The following TMPO variants were observed in gnomAD, a reference collection of about 807,000 sequenced individuals.
The protein encoded by TMPO is thymopoietin.
TMPO carries 22 observed loss-of-function variants against 45.4 expected under a neutral mutation model. The observed-to-expected ratio is 0.48, with a 90% CI of 0.35 to 0.69. The LOEUF (loss-of-function observed/expected upper bound fraction) is 0.69. TMPO is among the 30% of genes least tolerant of loss of function. The pLI, the probability that TMPO is intolerant of heterozygous loss-of-function variation, is 0.01. For synonymous variants in TMPO, 241 were observed against 204.1 expected, an observed-to-expected ratio of 1.18 and a Z score of -1.54; for missense variants, 512 against 548.8, an observed-to-expected ratio of 0.93 and a Z score of 0.67.
chr12:98,527,645 G>C (rs1255822830), intron 1 of TMPO: 2 of 450,632 alleles, frequency 4.4e-6, no homozygotes, highest in Admixed American at 7.4e-5. Context: ...AATCCAAAAT[G>C]GACTATTTTA....
chr12:98,538,521 T>C (rs1343269772), intron 4 of TMPO, among the ~76,000 whole-genome samples: 7 of 152,042 alleles, frequency 4.6e-5, no homozygotes, highest in Non-Finnish European at 1.0e-4. Context: ...CTCAGCTAAT[T>C]TTTGTATTTT....
intron 4 of TMPO, among the ~76,000 whole-genome samples, chr12:98,543,848 T>C (rs1385311031): frequency 6.6e-6 from 1 of 152,210 alleles, no homozygotes; most frequent in Non-Finnish European, 1.5e-5. Context: ...AACTGACTTA[T>C]AATAGATGAC....
rs934875045 is a variant in TMPO at position 98,516,523 on chromosome 12, G to A, written c.279+377G>A. ...GTGGCCCCAAAATGCTATAGGTTAA[G>A]TTCGAGCGTTTTCCCGCTTTATTAA... On this transcript the variant is annotated intron_variant, in intron 1 of 8. Coordinates refer to ENST00000556029, the MANE Select transcript of TMPO (RefSeq NM_001032283.3). 22 of 1,049,566 alleles carry A rather than the reference G, an allele frequency of 2.1e-5. No homozygotes were observed. The African/African-American group carries it at 3.2e-4, about 15-fold the overall frequency. The allele number at this position is 1,049,566 out of a possible 1,614,324, so 65.0% of individuals were successfully genotyped here.
chr12:98,516,806 G>A (rs1253094822), intron 1 of TMPO, among the ~76,000 whole-genome samples: 2 of 152,094 alleles, frequency 1.3e-5, no homozygotes. Flanking sequence ...TAATTTTTTA[G>A]TTTTTATTTA....
At chr12:98,533,427 A>G in intron 3 of TMPO, 1 of 1,614,188 alleles carries the variant, frequency 6.2e-7, no homozygotes, top group Admixed American at 1.7e-5. Context: ...AGGGTGGGGT[A>G]GGTAGTTTGC....
chr12:98,538,015 C>CTA (rs1877677863), intron 4 of TMPO, among the ~76,000 whole-genome samples: 1 of 152,180 alleles, frequency 6.6e-6, no homozygotes, highest in Non-Finnish European at 1.5e-5. Flanking sequence ...GGTCCTAAGA[C>CTA]TACAGTTTTC....
chr12:98,528,824 T>G (rs978387112), intron 2 of TMPO, among the ~76,000 whole-genome samples: 11 of 151,940 alleles, frequency 7.2e-5, no homozygotes, highest in Non-Finnish European at 1.5e-4. Flanking sequence ...CAGGGTGTGG[T>G]GTCACAAATC....
chr12:98,536,598 A>T (rs71440820), intron 3 of TMPO, among the ~76,000 whole-genome samples: 1 of 152,076 alleles, frequency 6.6e-6, no homozygotes, highest in Non-Finnish European at 1.5e-5. Flanking sequence ...TGATCCGCCC[A>T]CCTCGGCCTT....
intron 3 of TMPO, chr12:98,532,894 C>A: frequency 6.2e-7 from 1 of 1,614,146 alleles, no homozygotes; most frequent in Non-Finnish European, 8.5e-7. Flanking sequence ...TGGAACTACT[C>A]CCTCTGGTGG....
intron 2 of TMPO, among the ~76,000 whole-genome samples, chr12:98,528,251 CTTTTTT>C (rs72519624): frequency 7.6e-6 from 1 of 131,398 alleles, no homozygotes; most frequent in African/African-American, 2.8e-5. Context: ...TTATATCGTA[CTTTTTT>C]TTTTTTTTTT....
chr12:98,532,081 A>G lies in TMPO; in HGVS notation c.565+243A>G, dbSNP rs532013895. 69 of 446,836 alleles carry G rather than the reference A, an allele frequency of 1.5e-4. 1 individual carries two copies. Among genetic ancestry groups the G allele is most frequent in the African/African-American group, 1.2e-3 (62 of 50,282 alleles). The allele number at this position is 446,836 out of a possible 1,614,324, so 27.7% of individuals were successfully genotyped here. ...AAGTTAACTTTGTCTTTTTTGCTAC[A>G]AATCTCATTTTTCTGAGAGAATAAA... On this transcript the variant is annotated intron_variant, in intron 3 of 8. Transcript: ENST00000556029.
chr12:98,535,564 T>C, intron 3 of TMPO: 3 of 985,354 alleles, frequency 3.0e-6, no homozygotes, highest in Non-Finnish European at 3.6e-6. Context: ...CTGAGTGCTA[T>C]GTGATTTTTA....
intron 4 of TMPO, among the ~76,000 whole-genome samples, chr12:98,538,113 A>G (rs1877684996): frequency 6.6e-6 from 1 of 152,192 alleles, no homozygotes; most frequent in Non-Finnish European, 1.5e-5. Flanking sequence ...AACTAAGGAG[A>G]AAATAAGCAT....
chr12:98,534,927 CAAGAT>C (rs748079669), intron 3 of TMPO: 12 of 941,624 alleles, frequency 1.3e-5, no homozygotes, highest in Non-Finnish European at 1.1e-5. Context: ...TATCCACAGG[CAAGAT>C]AAGCATGCAC....
chr12:98,537,586 T>C lies in TMPO; in HGVS notation c.663+14T>C. 6.3e-7 allele frequency: 1 copy of C among 1,592,914 alleles called. No homozygotes were observed. On this transcript the variant is annotated intron_variant, in intron 4 of 8. Coordinates refer to ENST00000556029, the MANE Select transcript of TMPO (RefSeq NM_001032283.3). ...GAGCACAATCAGGTATCTTTAGTTT[T>C]ATTACCACCGTGTACAGGTATAAAT...
intron 1 of TMPO, among the ~76,000 whole-genome samples, chr12:98,516,895 C>T (rs1875885782): frequency 6.6e-6 from 1 of 152,156 alleles, no homozygotes; most frequent in Admixed American, 6.5e-5. Context: ...CCGCAACCTC[C>T]ACCTCCCGGG....
chr12:98,545,332 G>C (rs918012864), intron 7 of TMPO, among the ~76,000 whole-genome samples: 2 of 151,996 alleles, frequency 1.3e-5, no homozygotes, highest in Non-Finnish European at 2.9e-5. Flanking sequence ...TTTCTGTTCT[G>C]CTTATAATAT....
chr12:98,537,691 C>A (rs1332251205), intron 4 of TMPO, 119 bp downstream of exon 4: 3 of 832,948 alleles, frequency 3.6e-6, no homozygotes, highest in Non-Finnish European at 6.0e-6. Flanking sequence ...AAACTTAATT[C>A]TGTTGTTAAA....
At chr12:98,535,210 G>A (rs1354431317) in intron 3 of TMPO, 2 of 984,020 alleles carry the variant, frequency 2.0e-6, no homozygotes, top group Non-Finnish European at 2.4e-6. Context: ...ATAATACTTT[G>A]CTTTCATGAT....
Sources: gnomAD v4.1 joint callset for allele counts (sites outside exome capture counted in the v4.1 genomes callset) on GRCh38, gnomAD v4.1.1 for gene constraint, MANE v1.5 for transcripts, NCBI Gene and HGNC (gene_info 2026-07-23, HGNC 2026-07-21) for gene names.